BTNL3: variants seen among roughly 807,000 people sequenced by gnomAD.
BTNL3 encodes the protein butyrophilin like 3.
Under a neutral mutation model 40.1 loss-of-function variants are expected in BTNL3, and 20 were observed. The ratio of observed to expected loss-of-function variants is 0.50; its 90% CI spans 0.35 to 0.72. The LOEUF (loss-of-function observed/expected upper bound fraction) is 0.72. Ranked by LOEUF, BTNL3 falls within the 30% of genes least tolerant of loss-of-function variation. BTNL3 has a pLI of 0.01. For missense variants in BTNL3, 449 were observed against 582.2 expected (o/e 0.77, Z 2.35); for synonymous variants, 179 against 222.1 (o/e 0.81, Z 1.73).
intron 3 of BTNL3, among the ~76,000 whole-genome samples, chr5:181,000,666 C>T (rs896279156): frequency 3.8e-5 from 5 of 130,722 alleles, no homozygotes; most frequent in Admixed American, 8.2e-5. Context: ...ATTAGCCGGG[C>T]GCGGTGGCGG....
chr5:180,993,847 C>A (rs1357711340), intron 2 of BTNL3, among the ~76,000 whole-genome samples: 1 of 137,056 alleles, frequency 7.3e-6, no homozygotes, highest in African/African-American at 2.5e-5. Context: ...GTCACCCAGG[C>A]TGGAGTGCAG....
In BTNL3 at chr5:180,990,465, C is replaced by T. The variant is rs2113073705; in HGVS notation, c.49+1388C>T. On this transcript the variant is annotated intron_variant, in intron 1 of 7. Coordinates refer to ENST00000342868, the MANE Select transcript of BTNL3 (RefSeq NM_197975.3). ...AGGGCTGCTGTGTGGATTGCGTGAA[C>T]TCGTGCATGTAGAGCGTCCAGCACG... is the stretch of plus-strand genomic sequence containing the variant. Among the ~76,000 whole-genome samples, 5 of 138,018 alleles carry T rather than the reference C, an allele frequency of 3.6e-5. 1 individual carries two copies. In the South Asian group the frequency reaches 1.1e-3, roughly 30 times the overall value. The allele number at this position is 138,018 out of a possible 152,430, so 90.5% of individuals were successfully genotyped here.
rs1231167183 is a variant in BTNL3, at chr5:180,999,525, C to T, written c.673+2037C>T. 5.1e-5 allele frequency among the ~76,000 whole-genome samples: 7 copies of T among 136,890 alleles called. 2 individuals are homozygous for T. Among genetic ancestry groups the T allele is most frequent in the African/African-American group, 1.8e-4 (7 of 39,750 alleles). The allele number at this position is 136,890 out of a possible 152,430, so 89.8% of individuals were successfully genotyped here. A position where few individuals can be genotyped will look rare whatever the true frequency, so the allele number is the denominator to read the frequency against. ...AGAAAAATGTAAAATACAGGACAGG[C>T]GCAGTGGCTCATGCCTGTAGTCCCA... On this transcript the variant is annotated intron_variant, in intron 3 of 7. Transcript: ENST00000342868.
chr5:181,002,337 T>C lies in BTNL3; in HGVS notation c.674-335T>C, dbSNP rs1430744243. ...AGATGACATTGAACTTCTGCCTCATTAGACATAGACACACACACACACACA... is the reference window on the plus strand; with the variant it reads ...AGATGACATTGAACTTCTGCCTCATCAGACATAGACACACACACACACACA... On this transcript the variant is annotated intron_variant, in intron 3 of 7. Transcript: ENST00000342868. Among the ~76,000 whole-genome samples, 8 of 95,152 alleles carry C rather than the reference T, an allele frequency of 8.4e-5. 1 individual carries two copies. The highest frequency in any genetic ancestry group is 1.9e-4 in the Non-Finnish European group (8 of 43,078). 62.4% of individuals were successfully genotyped at this position (95,152 alleles called of 152,430 possible).
At position 181,006,382 on chromosome 5, in the gene BTNL3, CT is replaced by C. The variant is rs1246989975; in HGVS notation, c.*511del. On this transcript the variant is annotated 3_prime_UTR_variant, in exon 8 of 8. Coordinates refer to ENST00000342868, the MANE Select transcript of BTNL3 (RefSeq NM_197975.3). The stretch of plus-strand genomic sequence containing the variant: ...TTATTCCACATTAATTTACTTTTCT[CT>C]ATACCAAATCACCCATGGAATAGTT... 5.7e-6 allele frequency: 1 copy of C among 175,326 alleles called. No homozygotes were observed. The highest frequency in any genetic ancestry group is 6.3e-5 in the Admixed American group (1 of 15,982). 10.9% of individuals were successfully genotyped at this position (175,326 alleles called of 1,614,324 possible).
At chr5:180,990,473 T>C (rs1218468497) in intron 1 of BTNL3, among the ~76,000 whole-genome samples, 2 of 138,052 alleles carry the variant, frequency 1.4e-5, no homozygotes, top group African/African-American at 5.0e-5. Flanking sequence ...AACTCGTGCA[T>C]GTAGAGCGTC....
At position 180,993,162 on chromosome 5, in the gene BTNL3, T is replaced by C. The variant is rs1311227471; in HGVS notation, c.397+2T>C. On this transcript the variant is annotated splice_donor_variant, in intron 2 of 7. Transcript: ENST00000342868. LOFTEE classifies it high-confidence loss of function. ...CCACCTGGGAGCTGCGGGTGGCAGG[T>C]CAGTTGTTTATTTATGACTGAGTTG... The C allele has an allele frequency of 7.0e-7, 1 of 1,429,014 alleles. No homozygotes were observed. Among genetic ancestry groups the C allele is most frequent in the Non-Finnish European group, 9.6e-7 (1 of 1,040,740 alleles). The allele number at this position is 1,429,014 out of a possible 1,614,324, so 88.5% of individuals were successfully genotyped here. A position where few individuals can be genotyped will look rare whatever the true frequency, so the allele number is the denominator to read the frequency against.
At chr5:181,003,006 A>G (rs982170574) in intron 4 of BTNL3, among the ~76,000 whole-genome samples, 1 of 135,546 alleles carries the variant, frequency 7.4e-6, no homozygotes, top group South Asian at 2.2e-4. Context: ...TCTACTTTAC[A>G]TGGAGCACAG....
In BTNL3 at chr5:181,002,585, C is replaced by T. The variant is rs1230730154; in HGVS notation, c.674-87C>T. ...AGAAATGAGAGAAAAATGTTTTCATCTTGGGGTACTGGGGGATTCCTTAAA... is the reference window on the plus strand; with the variant it reads ...AGAAATGAGAGAAAAATGTTTTCATTTTGGGGTACTGGGGGATTCCTTAAA... On this transcript the variant is annotated intron_variant, in intron 3 of 7. Transcript: ENST00000342868. 18 of 1,199,044 alleles carry T rather than the reference C, an allele frequency of 1.5e-5. 5 individuals carry two copies. The highest frequency in any genetic ancestry group is 1.9e-5 in the Non-Finnish European group (17 of 881,838). The allele number at this position is 1,199,044 out of a possible 1,614,324, so 74.3% of individuals were successfully genotyped here. A position where few individuals can be genotyped will look rare whatever the true frequency, so the allele number is the denominator to read the frequency against.
At chr5:181,005,186 GC>G (rs751240203) in intron 7 of BTNL3, 147 bp from the exon 8 acceptor site, 1 of 1,395,996 alleles carries the variant, frequency 7.2e-7, no homozygotes, top group Non-Finnish European at 9.7e-7. Context: ...CACGGGGGCT[GC>G]CCTGGAGAAG....
chr5:181,004,759 G>A lies in BTNL3; in HGVS notation c.859G>A (p.Ala287Thr), dbSNP rs1164718158. 5.6e-6 allele frequency: 9 copies of A among 1,614,058 alleles called. No individual in the cohort carries two copies. The highest frequency in any genetic ancestry group is 3.3e-5 in the Admixed American group (2 of 60,002). Reference sequence around the variant, plus strand: ...AGAATTGAGAGACGCCCGGAAACACGCAGGTACCAACGCCTGAGAGGGTAA... The same window carrying A: ...AGAATTGAGAGACGCCCGGAAACACACAGGTACCAACGCCTGAGAGGGTAA... ...QAELRDARKH[A>T]VEVTLDPETA... The change falls in exon 7 of 8, where the codon GCA (alanine) becomes ACA (threonine). Residue 287 changes from alanine (A) to threonine (T), a missense_variant. By Grantham distance (58) the Ala-to-Thr change is moderately conservative (BLOSUM62 0). Transcript: ENST00000342868.
rs1191447603 is a variant in BTNL3, at chr5:181,002,649, G to C, written c.674-23G>C. On this transcript the variant is annotated intron_variant, in intron 3 of 7. Transcript: ENST00000342868. ...GTCTTACCTGCTTAGCTATCACTAA[G>C]GGTCTGTGGGACTGTTTTTCAGAGA... 2.8e-6 allele frequency: 4 copies of C among 1,450,350 alleles called. 2 individuals carry two copies. The highest frequency in any genetic ancestry group is 3.8e-6 in the Non-Finnish European group (4 of 1,052,352). 89.8% of individuals were successfully genotyped at this position (1,450,350 alleles called of 1,614,324 possible). A position where few individuals can be genotyped will look rare whatever the true frequency, so the allele number is the denominator to read the frequency against.
At chr5:181,004,511 T>C (rs1216432581) in intron 6 of BTNL3, 68 bp downstream of exon 6, 10 of 802,322 alleles carry the variant, frequency 1.2e-5, no homozygotes, top group Non-Finnish European at 2.0e-5. Flanking sequence ...TGGATTTTTA[T>C]ATCCTGAGGC....
At chr5:181,004,686 C>T in intron 6 of BTNL3, 50 bp from the exon 7 acceptor site, 1 of 1,613,770 alleles carries the variant, frequency 6.2e-7, no homozygotes, top group Non-Finnish European at 8.5e-7. Context: ...TCCCTGCGCC[C>T]TGTTTCCCAC....
intron 1 of BTNL3, among the ~76,000 whole-genome samples, chr5:180,991,908 C>T (rs368369916): frequency 2.2e-5 from 3 of 136,296 alleles, no homozygotes; most frequent in South Asian, 2.2e-4. Flanking sequence ...CTAACACTAA[C>T]GATAACTAAT....
In BTNL3 at chr5:181,005,960, C is replaced by T. The variant is rs995802166; in HGVS notation, c.*88C>T. The T allele has an allele frequency of 1.4e-6, 2 of 1,386,976 alleles. No individual in the cohort carries two copies. The highest frequency in any genetic ancestry group is 1.9e-6 in the Non-Finnish European group (2 of 1,037,534). 85.9% of individuals were successfully genotyped at this position (1,386,976 alleles called of 1,614,324 possible). A position where few individuals can be genotyped will look rare whatever the true frequency, so the allele number is the denominator to read the frequency against. ...GCTCCCGACAGGTGGCCCCAGCTTC[C>T]TCTCCGGAGCCTGCGCACAGAGAGT... is the stretch of plus-strand genomic sequence containing the variant. On this transcript the variant is annotated 3_prime_UTR_variant, in exon 8 of 8. Transcript: ENST00000342868.
intron 5 of BTNL3, among the ~76,000 whole-genome samples, chr5:181,004,137 G>C (rs904364342): frequency 6.6e-6 from 1 of 152,154 alleles, no homozygotes; most frequent in African/African-American, 2.4e-5. Flanking sequence ...TGTGTGGTGG[G>C]GGGAGGTGTT....
chr5:181,005,201 C>G lies in BTNL3; in HGVS notation c.863-133C>G. The G allele has an allele frequency of 2.7e-6, 4 of 1,482,240 alleles. No homozygotes were observed. In the East Asian group the frequency reaches 6.8e-5, roughly 25 times the overall value. The allele number at this position is 1,482,240 out of a possible 1,614,324, so 91.8% of individuals were successfully genotyped here. On this transcript the variant is annotated intron_variant, in intron 7 of 7. Transcript: ENST00000342868. ...CACGGGGGCTGCCCTGGAGAAGGTA[C>G]ATGGCTGGTGGGATAGTGGGACTGG...
rs533596214 is a variant in BTNL3 at position 180,994,909 on chromosome 5, C to T, written c.397+1749C>T. ...CACGCCATTCTCCTGCCTCAGCCTC[C>T]GGAGTAGCTGGAACTACAGGCACCT... On this transcript the variant is annotated intron_variant, in intron 2 of 7. Coordinates refer to ENST00000342868, the MANE Select transcript of BTNL3 (RefSeq NM_197975.3). 4.8e-4 allele frequency among the ~76,000 whole-genome samples: 65 copies of T among 135,006 alleles called. 10 individuals are homozygous for T. Among genetic ancestry groups the T allele is most frequent in the African/African-American group, 1.6e-3 (63 of 39,328 alleles). The allele number at this position is 135,006 out of a possible 152,430, so 88.6% of individuals were successfully genotyped here.
Sources: gnomAD v4.1 joint callset for allele counts (sites outside exome capture counted in the v4.1 genomes callset) on GRCh38, gnomAD v4.1.1 for gene constraint, MANE v1.5 for transcripts, NCBI Gene and HGNC (gene_info 2026-07-23, HGNC 2026-07-21) for gene names.